ATG4C: variants seen among roughly 807,000 people sequenced by gnomAD.
ATG4C encodes autophagy related 4C cysteine peptidase, also known as cysteine protease ATG4C.
In ATG4C, 56 loss-of-function variants were observed where a neutral mutation model predicts 57.6. The ratio of observed to expected loss-of-function variants is 0.97; its 90% CI spans 0.78 to 1.21. The LOEUF (loss-of-function observed/expected upper bound fraction) is 1.21, where lower values mean the gene tolerates loss of function less well. ATG4C is among the 50% of genes most tolerant of loss of function. The pLI is 0.00. For missense variants in ATG4C, 595 were observed against 529.8 expected, an observed-to-expected ratio of 1.12 and a Z score of -1.21; for synonymous variants, 157 against 174.1, an observed-to-expected ratio of 0.90 and a Z score of 0.78.
intron 1 of ATG4C, among the ~76,000 whole-genome samples, chr1:62,790,313 A>C (rs897497657): frequency 6.6e-6 from 1 of 152,160 alleles, no homozygotes; most frequent in Non-Finnish European, 1.5e-5. Flanking sequence ...TCCTGTTTAT[A>C]TCTCTGTTTT....
intron 7 of ATG4C, among the ~76,000 whole-genome samples, chr1:62,832,628 C>T (rs1170398617): frequency 6.6e-6 from 1 of 152,176 alleles, no homozygotes; most frequent in Non-Finnish European, 1.5e-5. Flanking sequence ...GCTCTGCCCT[C>T]ATGACCTAAA....
At chr1:62,790,291 C>T (rs1664233803) in intron 1 of ATG4C, among the ~76,000 whole-genome samples, 1 of 152,182 alleles carries the variant, frequency 6.6e-6, no homozygotes, top group Non-Finnish European at 1.5e-5. Flanking sequence ...GTTCTCATCA[C>T]TTCCTTCCAA....
intron 1 of ATG4C, among the ~76,000 whole-genome samples, chr1:62,800,932 G>A (rs138519053): frequency 6.6e-6 from 1 of 152,282 alleles, no homozygotes; most frequent in Admixed American, 6.5e-5. Flanking sequence ...TCTTACCAGA[G>A]GAAGTGAAAC....
intron 10 of ATG4C, among the ~76,000 whole-genome samples, chr1:62,857,388 C>T (rs1405640090): frequency 2.6e-5 from 4 of 152,168 alleles, no homozygotes; most frequent in Admixed American, 6.5e-5. Flanking sequence ...GATGATCTGT[C>T]ACTGTCTCCC....
At chr1:62,832,952 T>G (rs1665887141) in intron 7 of ATG4C, among the ~76,000 whole-genome samples, 1 of 152,174 alleles carries the variant, frequency 6.6e-6, no homozygotes, top group African/African-American at 2.4e-5. Context: ...AAATTGTATT[T>G]GTAAATCTGT....
intron 1 of ATG4C, among the ~76,000 whole-genome samples, chr1:62,784,809 G>T (rs1664028147): frequency 6.6e-6 from 1 of 151,806 alleles, no homozygotes; most frequent in South Asian, 2.1e-4. Context: ...ACTTCATTTG[G>T]TTCCCGCTCA....
chr1:62,789,365 T>G (rs1279366242), intron 1 of ATG4C, among the ~76,000 whole-genome samples: 2 of 152,212 alleles, frequency 1.3e-5, no homozygotes, highest in African/African-American at 4.8e-5. Flanking sequence ...TCCCATGAAC[T>G]TTGGATATGT....
chr1:62,805,300 C>T (rs547561580), intron 3 of ATG4C, 45 bp downstream of exon 3: 17 of 1,457,004 alleles, frequency 1.2e-5, no homozygotes, highest in Middle Eastern at 2.0e-4. Flanking sequence ...TTGTAGAAAT[C>T]ATCATGTAAC....
intron 10 of ATG4C, among the ~76,000 whole-genome samples, chr1:62,862,240 C>T (rs1463569110): frequency 6.6e-6 from 1 of 151,990 alleles, no homozygotes; most frequent in African/African-American, 2.4e-5. Flanking sequence ...GTAGCAGTTT[C>T]CTTTCTGACT....
intron 1 of ATG4C, among the ~76,000 whole-genome samples, chr1:62,796,442 G>A (rs74076998): frequency 0.018 from 2,796 of 152,058 alleles, 84 homozygotes; most frequent in African/African-American, 0.065. Flanking sequence ...TTGCCATGGG[G>A]AATTAAATTG....
At chr1:62,811,407 G>A (rs887766366) in intron 3 of ATG4C, among the ~76,000 whole-genome samples, 33 of 152,116 alleles carry the variant, frequency 2.2e-4, no homozygotes, top group African/African-American at 7.0e-4. Flanking sequence ...TCATTATATC[G>A]TGCTGTGCAC....
At chr1:62,839,011 T>C (rs1186470759) in intron 9 of ATG4C, among the ~76,000 whole-genome samples, 1 of 152,176 alleles carries the variant, frequency 6.6e-6, no homozygotes, top group East Asian at 1.9e-4. Context: ...AATAAGACTA[T>C]TCTGGTTTAG....
chr1:62,785,315 G>A (rs1664047986), intron 1 of ATG4C: 1 of 152,178 alleles, frequency 6.6e-6, no homozygotes, highest in Admixed American at 6.5e-5. Flanking sequence ...TCTTTGAACA[G>A]GAAGAGTTTC....
At chr1:62,856,007 G>A (rs1436847406) in intron 10 of ATG4C, among the ~76,000 whole-genome samples, 5 of 152,106 alleles carry the variant, frequency 3.3e-5, no homozygotes, top group Admixed American at 6.5e-5. Flanking sequence ...TTGGTGAATC[G>A]AAATCAGCCT....
At chr1:62,825,846 A>G (rs1048024100) in intron 6 of ATG4C, among the ~76,000 whole-genome samples, 2 of 151,660 alleles carry the variant, frequency 1.3e-5, no homozygotes, top group African/African-American at 4.8e-5. Context: ...CTGTGACTCA[A>G]TTTTTTCTCT....
At chr1:62,810,533 A>G (rs1665048187) in intron 3 of ATG4C, among the ~76,000 whole-genome samples, 2 of 152,120 alleles carry the variant, frequency 1.3e-5, no homozygotes, top group East Asian at 1.9e-4. Context: ...TTATCTTTTG[A>G]TGCTCAAATT....
chr1:62,823,070 C>T (rs1572133615), intron 6 of ATG4C, among the ~76,000 whole-genome samples: 1 of 152,152 alleles, frequency 6.6e-6, no homozygotes, highest in Non-Finnish European at 1.5e-5. Context: ...GTGGGAGGAT[C>T]ACTTGAGCCC....
Position 62,803,814 on chromosome 1 carries a change from G to T in ATG4C, c.28G>T (p.Asp10Tyr). MEATGTDEV[D>Y]KLKTKFISAW... is the part of the protein sequence containing the mutation. ...GGAGGCTACAGGAACAGATGAAGTT[G>T]ACAAGCTAAAAACCAAATTTATATC... Residue 10 changes from aspartate to tyrosine, a missense_variant, in exon 2 of 11, where the codon GAC (aspartate) becomes TAC (tyrosine). Transcript: ENST00000317868. 1 of 1,606,618 alleles carries T rather than the reference G, an allele frequency of 6.2e-7. No homozygotes were observed. The highest frequency in any genetic ancestry group is 1.1e-5 in the South Asian group (1 of 90,064).
At chr1:62,852,533 C>G (rs1666548390) in intron 10 of ATG4C, among the ~76,000 whole-genome samples, 1 of 151,856 alleles carries the variant, frequency 6.6e-6, no homozygotes, top group Non-Finnish European at 1.5e-5. Context: ...TCTTCCCATA[C>G]CCTTTCACCT....
Sources: allele counts gnomAD v4.1 joint callset (sites outside exome capture counted in the v4.1 genomes callset), GRCh38; gene constraint gnomAD v4.1.1; transcripts MANE v1.5; gene names NCBI Gene and HGNC (gene_info 2026-07-23, HGNC 2026-07-21).